The following DGKI variants were observed in gnomAD, a reference collection of about 807,000 sequenced individuals.
DGKI encodes the protein diacylglycerol kinase iota.
Under a neutral mutation model 147.5 loss-of-function variants are expected in DGKI, and 55 were observed. The observed-to-expected ratio is 0.37, with a 90% CI of 0.30 to 0.47. The LOEUF (loss-of-function observed/expected upper bound fraction) is 0.47, where lower values mean the gene tolerates loss of function less well. Among genes scored for constraint, DGKI ranks in the 20% least tolerant of loss-of-function variants. The probability of loss-of-function intolerance (pLI) is 1.00; values close to 1 mark genes in which losing one functional copy is unlikely to be tolerated. For synonymous variants in DGKI, 469 were observed against 477.1 expected (o/e 0.98, Z 0.22); for missense variants, 1,007 against 1,323.8 (o/e 0.76, Z 3.71).
chr7:137,426,074 A>G (rs1336017558), intron 28 of DGKI, among the ~76,000 whole-genome samples: 1 of 152,214 alleles, frequency 6.6e-6, no homozygotes, highest in Non-Finnish European at 1.5e-5. Flanking sequence ...CCTCGAGAAG[A>G]GCAACTCCAA....
chr7:137,728,959 C>T (rs552226023), intron 1 of DGKI, among the ~76,000 whole-genome samples: 1 of 152,210 alleles, frequency 6.6e-6, no homozygotes, highest in South Asian at 2.1e-4. Flanking sequence ...GGGTGATAGG[C>T]CATCTGCCTG....
intron 1 of DGKI, among the ~76,000 whole-genome samples, chr7:137,771,094 T>A (rs983190831): frequency 6.6e-6 from 1 of 152,308 alleles, no homozygotes; most frequent in African/African-American, 2.4e-5. Context: ...TATTTATTTT[T>A]ATTTATTTTT....
chr7:137,823,284 C>T (rs1481695877), intron 1 of DGKI, among the ~76,000 whole-genome samples: 1 of 152,292 alleles, frequency 6.6e-6, no homozygotes, highest in East Asian at 1.9e-4. Context: ...TCAGCTGTGA[C>T]TCTGTAAGCA....
intron 1 of DGKI, among the ~76,000 whole-genome samples, chr7:137,749,635 T>C (rs1447952514): frequency 1.3e-5 from 2 of 152,072 alleles, no homozygotes; most frequent in Non-Finnish European, 2.9e-5. Context: ...ATAGAGAAAT[T>C]TTGTGGACTG....
chr7:137,742,691 A>G (rs986776782), intron 1 of DGKI, among the ~76,000 whole-genome samples: 4 of 152,088 alleles, frequency 2.6e-5, no homozygotes, highest in Admixed American at 1.3e-4. Context: ...GTTTTACTCA[A>G]TGTTACATCA....
intron 21 of DGKI, among the ~76,000 whole-genome samples, chr7:137,489,395 G>T (rs977380396): frequency 2.6e-5 from 4 of 152,068 alleles, no homozygotes; most frequent in Non-Finnish European, 5.9e-5. Flanking sequence ...ATCTTTGGGG[G>T]AGTAATAATC....
At chr7:137,392,850 A>AG in intron 32 of DGKI, among the ~76,000 whole-genome samples, 1 of 39,946 alleles carries the variant, frequency 2.5e-5, no homozygotes, top group East Asian at 4.9e-4. Context: ...GCTTCTCTCC[A>AG]AAAAATTCCA....
At chr7:137,690,161 T>G (rs1297592871) in intron 1 of DGKI, among the ~76,000 whole-genome samples, 159 bp from the exon 2 acceptor site, 1 of 152,138 alleles carries the variant, frequency 6.6e-6, no homozygotes, top group Non-Finnish European at 1.5e-5. Context: ...CTCTCTAAAG[T>G]GCATGGTGTC....
intron 23 of DGKI, among the ~76,000 whole-genome samples, chr7:137,474,425 A>C (rs1815095488): frequency 6.6e-6 from 1 of 152,308 alleles, no homozygotes; most frequent in Non-Finnish European, 1.5e-5. Flanking sequence ...ACAAGAAACA[A>C]GAAAATCCAG....
chr7:137,839,227 C>T lies in DGKI; in HGVS notation c.401+7235G>A, dbSNP rs146526881. ...AAGCACTAAGAAGCAGCTTTCTCCC[C>T]TTCACATCCCCTAGTAACAATGAAT... On this transcript the variant is annotated intron_variant, in intron 1 of 32. Transcript: ENST00000614521. 5.0e-3 allele frequency among the ~76,000 whole-genome samples: 768 copies of T among 152,302 alleles called. 7 individuals are homozygous for T. The highest frequency in any genetic ancestry group is 0.018 in the African/African-American group (730 of 41,554).
In DGKI at chr7:137,801,316, T is replaced by C. The variant is rs191482557; in HGVS notation, c.401+45146A>G. ...ATGGGATCGGCTTTCCTGAATCTCA[T>C]TAGCTACTAGAAAGAGAAAAAAAAG... On this transcript the variant is annotated intron_variant, in intron 1 of 32. Transcript: ENST00000614521. Among the ~76,000 whole-genome samples, 335 of 152,252 alleles carry C rather than the reference T, an allele frequency of 2.2e-3. 1 individual carries two copies. Among genetic ancestry groups the C allele is most frequent in the Middle Eastern group, 0.01 (3 of 294 alleles).
intron 3 of DGKI, among the ~76,000 whole-genome samples, chr7:137,660,637 T>A (rs1252523267): frequency 3.3e-5 from 5 of 152,166 alleles, no homozygotes; most frequent in Admixed American, 3.3e-4. Flanking sequence ...TTGAATCCTA[T>A]CCCACCCAAC....
intron 1 of DGKI, among the ~76,000 whole-genome samples, chr7:137,796,496 T>C (rs1464284310): frequency 6.6e-6 from 1 of 150,876 alleles, no homozygotes; most frequent in East Asian, 1.9e-4. Flanking sequence ...CAAAACTCCA[T>C]TTAAAAAAAA....
At chr7:137,787,587 C>A (rs1390629307) in intron 1 of DGKI, among the ~76,000 whole-genome samples, 4 of 152,092 alleles carry the variant, frequency 2.6e-5, no homozygotes, top group Non-Finnish European at 4.4e-5. Context: ...ATAGATCTAC[C>A]ATTTGATCCA....
chr7:137,598,588 C>T (rs1000120606), intron 11 of DGKI, among the ~76,000 whole-genome samples: 2 of 152,138 alleles, frequency 1.3e-5, no homozygotes, highest in Admixed American at 6.5e-5. Flanking sequence ...TCTTGGATCT[C>T]AGGAAAATGC....
intron 3 of DGKI, among the ~76,000 whole-genome samples, chr7:137,670,978 G>A (rs1822825490): frequency 1.3e-5 from 2 of 152,206 alleles, no homozygotes. Flanking sequence ...AGTAATGCAT[G>A]TCGGGCTCTG....
At chr7:137,680,231 G>T (rs781666325) in intron 2 of DGKI, among the ~76,000 whole-genome samples, 7 of 152,124 alleles carry the variant, frequency 4.6e-5, no homozygotes, top group Non-Finnish European at 7.3e-5. Context: ...TTCTACCCAG[G>T]ACTGGAATCT....
chr7:137,801,638 T>G (rs1314528213), intron 1 of DGKI, among the ~76,000 whole-genome samples: 1 of 152,166 alleles, frequency 6.6e-6, no homozygotes, highest in African/African-American at 2.4e-5. Flanking sequence ...GTCCTATGAA[T>G]CAGGATGGAG....
chr7:137,558,738 C>T (rs1466504954), intron 19 of DGKI, among the ~76,000 whole-genome samples: 3 of 126,394 alleles, frequency 2.4e-5, no homozygotes, highest in African/African-American at 3.8e-5. Context: ...CAGTATGCTG[C>T]TACAATCACT....
Sources: gnomAD v4.1 joint callset for allele counts (sites outside exome capture counted in the v4.1 genomes callset) on GRCh38, gnomAD v4.1.1 for gene constraint, MANE v1.5 for transcripts, NCBI Gene and HGNC (gene_info 2026-07-23, HGNC 2026-07-21) for gene names.